SLC35A3: variants seen among roughly 807,000 people sequenced by gnomAD.
The protein encoded by SLC35A3 is UDP-N-acetylglucosamine transporter.
In SLC35A3, 26 loss-of-function variants were observed where a neutral mutation model predicts 39.0. That is an observed-to-expected ratio of 0.67 (90% CI 0.49 to 0.92). The LOEUF is 0.92. Ranked by LOEUF, SLC35A3 falls within the 40% of genes least tolerant of loss-of-function variation. The probability of loss-of-function intolerance (pLI) is 0.00; values close to 1 mark genes in which losing one functional copy is unlikely to be tolerated. For synonymous variants in SLC35A3, 135 were observed against 133.1 expected (o/e 1.01, Z -0.10); for missense variants, 299 against 371.6 (o/e 0.80, Z 1.61).
chr1:100,009,084 A>G (rs950254183), intron 4 of SLC35A3: 1 of 152,238 alleles, frequency 6.6e-6, no homozygotes, highest in East Asian at 1.9e-4. Flanking sequence ...CATACTGAGT[A>G]CTTATGTGCC....
intron 1 of SLC35A3, among the ~76,000 whole-genome samples, chr1:99,980,940 T>G (rs1340709108): frequency 6.6e-6 from 1 of 152,198 alleles, no homozygotes; most frequent in Non-Finnish European, 1.5e-5. Flanking sequence ...AAGTACAAGA[T>G]ATTGTTGCTC....
intron 2 of SLC35A3, among the ~76,000 whole-genome samples, chr1:99,997,429 TA>T (rs2101172169): frequency 2.5e-5 from 1 of 39,656 alleles, no homozygotes; most frequent in African/African-American, 6.0e-5. Flanking sequence ...TATATATATA[TA>T]TATATATATA....
At chr1:100,015,237 G>A (rs773843238) in intron 5 of SLC35A3, 65 bp from the exon 6 acceptor site, 378 of 1,351,884 alleles carry the variant, frequency 2.8e-4, no homozygotes, top group Non-Finnish European at 3.5e-4. Flanking sequence ...TGGAATGTCA[G>A]TGGAAAAAAT....
chr1:99,974,155 G>GT (rs897288931), intron 1 of SLC35A3, among the ~76,000 whole-genome samples: 20 of 151,828 alleles, frequency 1.3e-4, no homozygotes, highest in African/African-American at 4.1e-4. Context: ...AGTTATGTAA[G>GT]TTTTTTTTCT....
intron 1 of SLC35A3, chr1:99,970,454 G>A (rs577831469): frequency 4.9e-5 from 44 of 902,788 alleles, no homozygotes; most frequent in Non-Finnish European, 5.1e-6. Context: ...GAAGACGGCA[G>A]TGTGTGCCTC....
rs148866347 is a variant in SLC35A3 at position 99,990,304 on chromosome 1, G to A, written c.-18-3233G>A. Among the ~76,000 whole-genome samples the A allele has an allele frequency of 3.0e-3, 453 of 152,242 alleles. 2 individuals carry two copies. Among genetic ancestry groups the A allele is most frequent in the African/African-American group, 9.9e-3 (410 of 41,556 alleles). Reference sequence around the variant, plus strand: ...AAAATACGTATATCTGGCGGGGCACGGTGGCTGAAGCCTGTAATCCCAGAA... The same window carrying A: ...AAAATACGTATATCTGGCGGGGCACAGTGGCTGAAGCCTGTAATCCCAGAA... On this transcript the variant is annotated intron_variant, in intron 1 of 7. Transcript: ENST00000533028.
chr1:100,020,676 G>T (rs1216809767), intron 7 of SLC35A3, among the ~76,000 whole-genome samples: 1 of 152,180 alleles, frequency 6.6e-6, no homozygotes, highest in Non-Finnish European at 1.5e-5. Context: ...TGGTTGAGCA[G>T]GGGAGTGGAC....
chr1:100,007,681 A>T (rs955975747), intron 4 of SLC35A3: 1 of 152,200 alleles, frequency 6.6e-6, no homozygotes, highest in African/African-American at 2.4e-5. Flanking sequence ...TAATTTTTTA[A>T]AAAAAATTTA....
chr1:99,990,027 G>A lies in SLC35A3; in HGVS notation c.-18-3510G>A, dbSNP rs143670992. ...CTGCCCCAGCCTCTCAAAGTGCTGG[G>A]ATTACAGGTGTGAGCCACTGCACCT... is the stretch of plus-strand genomic sequence containing the variant. On this transcript the variant is annotated intron_variant, in intron 1 of 7. Transcript: ENST00000533028. 3.6e-3 allele frequency among the ~76,000 whole-genome samples: 555 copies of A among 152,254 alleles called. 4 individuals are homozygous for A. The highest frequency in any genetic ancestry group is 0.013 in the African/African-American group (538 of 41,536).
intron 3 of SLC35A3, among the ~76,000 whole-genome samples, chr1:100,003,118 T>C (rs906345515): frequency 6.6e-6 from 1 of 151,946 alleles, no homozygotes; most frequent in South Asian, 2.1e-4. Flanking sequence ...TATATTTGTT[T>C]TAAGAAATTT....
In SLC35A3 at chr1:100,024,619, C is replaced by A. The variant is rs1344142233; in HGVS notation, c.*2143C>A. ...CAGTATGAATGAAAAAAATAAAATACTTCTTTTTTTTTTTTTTTGAGACAG... is the reference window on the plus strand; with the variant it reads ...CAGTATGAATGAAAAAAATAAAATAATTCTTTTTTTTTTTTTTTGAGACAG... On this transcript the variant is annotated 3_prime_UTR_variant, in exon 8 of 8. Coordinates refer to ENST00000533028, the MANE Select transcript of SLC35A3 (RefSeq NM_012243.3). 7 of 285,276 alleles carry A rather than the reference C, an allele frequency of 2.5e-5. No homozygotes were observed. The highest frequency in any genetic ancestry group is 2.6e-5 in the Non-Finnish European group (4 of 156,674). 17.7% of individuals were successfully genotyped at this position (285,276 alleles called of 1,614,324 possible).
chr1:99,981,700 C>T (rs1178145474), intron 1 of SLC35A3, among the ~76,000 whole-genome samples: 1 of 151,864 alleles, frequency 6.6e-6, no homozygotes, highest in African/African-American at 2.4e-5. Context: ...AGGCTTGGCT[C>T]GAACTCCTGG....
At chr1:100,019,229 C>G (rs1016795845) in intron 7 of SLC35A3, among the ~76,000 whole-genome samples, 2 of 148,838 alleles carry the variant, frequency 1.3e-5, no homozygotes, top group African/African-American at 2.5e-5. Flanking sequence ...AGAGAATAAA[C>G]AAATAAATGA....
intron 1 of SLC35A3, among the ~76,000 whole-genome samples, chr1:99,973,599 G>A (rs1656937566): frequency 6.6e-6 from 1 of 152,066 alleles, no homozygotes; most frequent in Admixed American, 6.5e-5. Flanking sequence ...CATCCATATT[G>A]GAGACACCAT....
Position 100,034,679 on chromosome 1 carries a change from C to G in SLC35A3, c.*12203C>G, listed in dbSNP as rs551799945. On this transcript the variant is annotated 3_prime_UTR_variant, in exon 8 of 8. Coordinates refer to ENST00000533028, the MANE Select transcript of SLC35A3 (RefSeq NM_012243.3). ...TACTCAGTTTTTAGTTAAAGAGGAC[C>G]CTCTTCTGTTAGCATGGTGAAGTGC... 4 of 151,884 alleles carry G rather than the reference C, an allele frequency of 2.6e-5. No individual in the cohort carries two copies. Among genetic ancestry groups the G allele is most frequent in the Non-Finnish European group, 5.9e-5 (4 of 67,992 alleles). 9.4% of individuals were successfully genotyped at this position (151,884 alleles called of 1,614,324 possible).
At chr1:100,005,938 A>G (rs982881807) in intron 3 of SLC35A3, among the ~76,000 whole-genome samples, 3 of 152,118 alleles carry the variant, frequency 2.0e-5, no homozygotes, top group Non-Finnish European at 2.9e-5. Flanking sequence ...CCTTACATTG[A>G]TATCTGTGCA....
intron 1 of SLC35A3, among the ~76,000 whole-genome samples, chr1:99,977,420 G>T (rs1261866324): frequency 6.6e-6 from 1 of 150,552 alleles, no homozygotes; most frequent in African/African-American, 2.5e-5. Flanking sequence ...TGTAATCTCA[G>T]CATCTCAGCT....
chr1:100,022,530 T>G lies in SLC35A3; in HGVS notation c.*54T>G. The G allele has an allele frequency of 1.1e-6, 1 of 917,462 alleles. No individual in the cohort carries two copies. The highest frequency in any genetic ancestry group is 2.0e-5 in the Admixed American group (1 of 49,238). 56.8% of individuals were successfully genotyped at this position (917,462 alleles called of 1,614,324 possible). On this transcript the variant is annotated 3_prime_UTR_variant, in exon 8 of 8. Transcript: ENST00000533028. ...CGATGGGGCACTAGGAATCTCGACA[T>G]TAATCTTGCACAGAGGACTTCTACA... is the stretch of plus-strand genomic sequence containing the variant.
intron 1 of SLC35A3, chr1:99,970,696 C>A: frequency 2.3e-6 from 3 of 1,290,948 alleles, no homozygotes; most frequent in Non-Finnish European, 3.2e-6. Context: ...AGATTCTCAT[C>A]AGAACAGGTG....
Sources: gnomAD v4.1 joint callset for allele counts (sites outside exome capture counted in the v4.1 genomes callset) on GRCh38, gnomAD v4.1.1 for gene constraint, MANE v1.5 for transcripts, NCBI Gene and HGNC (gene_info 2026-07-23, HGNC 2026-07-21) for gene names.